The following MGAT4D variants were observed in gnomAD, a reference collection of about 807,000 sequenced individuals.
MGAT4D encodes MGAT4 family member D.
MGAT4D carries 34 observed loss-of-function variants against 15.9 expected under a neutral mutation model. That is an observed-to-expected ratio of 2.14 (90% CI 1.62 to 2.84). The LOEUF (loss-of-function observed/expected upper bound fraction) is 2.84. Among genes scored for constraint, MGAT4D ranks in the 30% most tolerant of loss-of-function variants. MGAT4D has a pLI of 0.00. For synonymous variants in MGAT4D, 112 were observed against 48.2 expected (o/e 2.33, Z -5.49); for missense variants, 327 against 140.2 (o/e 2.33, Z -6.73).
At chr4:140,486,452 T>C (rs1011705740) in intron 1 of MGAT4D, among the ~76,000 whole-genome samples, 1 of 152,150 alleles carries the variant, frequency 6.6e-6, no homozygotes, top group African/African-American at 2.4e-5. Context: ...CAACCTGTCA[T>C]CTACATTAGG....
rs1347519098 is a variant in MGAT4D, at chr4:140,445,449, T to A, written c.1117-2005A>T. 3.3e-5 allele frequency among the ~76,000 whole-genome samples: 5 copies of A among 152,148 alleles called. No homozygotes were observed. In the South Asian group the frequency reaches 1.0e-3, roughly 31 times the overall value. On this transcript the variant is annotated intron_variant, in intron 10 of 10. Coordinates refer to ENST00000511113, the MANE Select transcript of MGAT4D (RefSeq NM_001277353.2). ...TAGACTTTTATCAAATACATAGTTT[T>A]TAAAAAATATTTTCTCCCATTCTGT...
chr4:140,478,043 T>C (rs1185504046), intron 3 of MGAT4D, among the ~76,000 whole-genome samples: 3 of 152,142 alleles, frequency 2.0e-5, no homozygotes, highest in Non-Finnish European at 4.4e-5. Flanking sequence ...GTTTCATGTG[T>C]TAGGATTTTT....
chr4:140,444,584 G>T (rs1047866342), intron 10 of MGAT4D, among the ~76,000 whole-genome samples: 1 of 152,168 alleles, frequency 6.6e-6, no homozygotes, highest in Non-Finnish European at 1.5e-5. Flanking sequence ...GTATTCCATG[G>T]TGTATGTGTA....
chr4:140,496,500 A>ACTGT (rs1733847062), intron 1 of MGAT4D, among the ~76,000 whole-genome samples: 1 of 152,212 alleles, frequency 6.6e-6, no homozygotes, highest in Non-Finnish European at 1.5e-5. Context: ...TTCATTATAA[A>ACTGT]ATCATTAATG....
intron 6 of MGAT4D, among the ~76,000 whole-genome samples, chr4:140,463,988 A>T (rs970960222): frequency 2.0e-5 from 3 of 152,196 alleles, no homozygotes; most frequent in Non-Finnish European, 4.4e-5. Context: ...TGGAAGGAGG[A>T]TGAGAGGGAC....
intron 9 of MGAT4D, among the ~76,000 whole-genome samples, chr4:140,456,073 G>A (rs1055443414): frequency 2.6e-5 from 4 of 152,160 alleles, no homozygotes; most frequent in Non-Finnish European, 5.9e-5. Context: ...GGGAGGTTGA[G>A]GCTGCAGTGA....
At chr4:140,450,808 A>G (rs1442771702) in intron 10 of MGAT4D, among the ~76,000 whole-genome samples, 1 of 152,188 alleles carries the variant, frequency 6.6e-6, no homozygotes, top group Admixed American at 6.5e-5. Context: ...GGAGTGTTAT[A>G]GCCTGCCCAA....
chr4:140,448,025 T>C (rs1578631452), intron 10 of MGAT4D, among the ~76,000 whole-genome samples: 1 of 152,330 alleles, frequency 6.6e-6, no homozygotes, highest in East Asian at 1.9e-4. Flanking sequence ...GAATGTTGAA[T>C]ATAGGCCTCC....
At chr4:140,463,444 G>A (rs1326751047) in intron 6 of MGAT4D, among the ~76,000 whole-genome samples, 1 of 152,064 alleles carries the variant, frequency 6.6e-6, no homozygotes, top group Non-Finnish European at 1.5e-5. Flanking sequence ...AGGCATGAGA[G>A]CCCTGCTTGC....
chr4:140,462,033 A>G, intron 6 of MGAT4D, 29 bp from the exon 7 acceptor site: 2 of 691,224 alleles, frequency 2.9e-6, no homozygotes, highest in Non-Finnish European at 5.3e-6. Context: ...ATCTGTTAAT[A>G]TTTGTCATTA....
chr4:140,492,042 AC>A (rs1324476124), intron 1 of MGAT4D, among the ~76,000 whole-genome samples: 1 of 152,178 alleles, frequency 6.6e-6, no homozygotes, highest in Non-Finnish European at 1.5e-5. Context: ...GACTGCTTTC[AC>A]TATAGTAATA....
chr4:140,453,439 T>C (rs1291538991), intron 9 of MGAT4D, among the ~76,000 whole-genome samples: 3 of 152,038 alleles, frequency 2.0e-5, no homozygotes, highest in African/African-American at 4.8e-5. Context: ...GTCCAGCATA[T>C]AGACAATATA....
At chr4:140,453,757 G>A (rs1412633097) in intron 9 of MGAT4D, among the ~76,000 whole-genome samples, 1 of 151,916 alleles carries the variant, frequency 6.6e-6, no homozygotes, top group Non-Finnish European at 1.5e-5. Flanking sequence ...GATGTCCCTT[G>A]CCTCCTCTTC....
rs191935271 is a variant in MGAT4D, at chr4:140,483,844, C to T, written c.95-1359G>A. Reference sequence around the variant, plus strand: ...ACGAAATTAGATCTTTATTTCAACTCGCATAAAAAATCAACTAAAAATGGA... The same window carrying T: ...ACGAAATTAGATCTTTATTTCAACTTGCATAAAAAATCAACTAAAAATGGA... On this transcript the variant is annotated intron_variant, in intron 1 of 10. Coordinates refer to ENST00000511113, the MANE Select transcript of MGAT4D (RefSeq NM_001277353.2). Among the ~76,000 whole-genome samples, 212 of 146,780 alleles carry T rather than the reference C, an allele frequency of 1.4e-3. 1 individual carries two copies. Among genetic ancestry groups the T allele is most frequent in the Admixed American group, 5.2e-3 (75 of 14,416 alleles).
chr4:140,444,115 GT>G (rs1264939869), intron 10 of MGAT4D, among the ~76,000 whole-genome samples: 2 of 152,046 alleles, frequency 1.3e-5, no homozygotes, highest in Non-Finnish European at 2.9e-5. Context: ...TTAAATAACA[GT>G]TTTGAAGAAA....
Position 140,474,964 on chromosome 4 carries a change from T to C in MGAT4D, c.392-18A>G, listed in dbSNP as rs1167364159. 1.5e-6 allele frequency: 1 copy of C among 651,630 alleles called. No individual in the cohort carries two copies. The highest frequency in any genetic ancestry group is 2.7e-6 in the Non-Finnish European group (1 of 363,842). The allele number at this position is 651,630 out of a possible 1,614,324, so 40.4% of individuals were successfully genotyped here. On this transcript the variant is annotated intron_variant, in intron 3 of 10. Transcript: ENST00000511113. ...AAAAGAAACTGTGGACATAGGAGTA[T>C]GAAATCATCATTCCATACCACAGAG...
chr4:140,466,462 A>C (rs1731537443), intron 5 of MGAT4D, among the ~76,000 whole-genome samples: 1 of 152,194 alleles, frequency 6.6e-6, no homozygotes, highest in Non-Finnish European at 1.5e-5. Flanking sequence ...GCTGAAGCAT[A>C]GAAAAGACAT....
chr4:140,493,586 T>C (rs927884004), intron 1 of MGAT4D, among the ~76,000 whole-genome samples: 32 of 152,160 alleles, frequency 2.1e-4, no homozygotes, highest in African/African-American at 7.2e-4. Context: ...TGAGCCACCG[T>C]GCCTGGCCTG....
intron 1 of MGAT4D, among the ~76,000 whole-genome samples, 166 bp from the exon 2 acceptor site, chr4:140,482,651 CAT>C (rs1428850522): frequency 6.6e-6 from 1 of 151,726 alleles, no homozygotes; most frequent in South Asian, 2.1e-4. Context: ...GTATATACCA[CAT>C]GTGTAAATAC....
Sources: allele counts gnomAD v4.1 joint callset (sites outside exome capture counted in the v4.1 genomes callset), GRCh38; gene constraint gnomAD v4.1.1; transcripts MANE v1.5; gene names NCBI Gene and HGNC (gene_info 2026-07-23, HGNC 2026-07-21).